ARHGAP29: variants seen among roughly 807,000 people sequenced by gnomAD.
The protein encoded by ARHGAP29 is Rho GTPase activating protein 29, also known as rho GTPase-activating protein 29.
Under a neutral mutation model 122.6 loss-of-function variants are expected in ARHGAP29, and 43 were observed. That is an observed-to-expected ratio of 0.35 (90% CI 0.27 to 0.45). The LOEUF (loss-of-function observed/expected upper bound fraction) is 0.45. Ranked by LOEUF, ARHGAP29 falls within the 20% of genes least tolerant of loss-of-function variation. ARHGAP29 has a pLI of 1.00. For missense variants in ARHGAP29, 1,303 were observed against 1,477.2 expected (o/e 0.88, Z 1.93); for synonymous variants, 506 against 497.1 (o/e 1.02, Z -0.24).
chr1:94,202,323 A>T, intron 11 of ARHGAP29: 1 of 614,216 alleles, frequency 1.6e-6, no homozygotes, highest in Non-Finnish European at 2.8e-6. Flanking sequence ...AGGTCTCAGC[A>T]TAGTGGTTCT....
the ARHGAP29 span, among the ~76,000 whole-genome samples, chr1:94,311,649 T>C: frequency 6.6e-6 from 1 of 152,314 alleles, no homozygotes; most frequent in East Asian, 1.9e-4. Flanking sequence ...TCCAGCTGAT[T>C]TCCTCAGTCA....
At chr1:94,241,132 C>T (rs1324377176), upstream of ARHGAP29, among the ~76,000 whole-genome samples, 2 of 152,182 alleles carry the variant, frequency 1.3e-5, no homozygotes, top group Middle Eastern at 3.2e-3. Flanking sequence ...CAAGGTGAAA[C>T]ACCCTGTTCT....
chr1:94,238,149 CT>C (rs1389366155), upstream of ARHGAP29, among the ~76,000 whole-genome samples: 2 of 149,500 alleles, frequency 1.3e-5, no homozygotes, highest in African/African-American at 5.0e-5. Context: ...CAACCTCCGC[CT>C]CCCGGGCTCA....
At chr1:94,191,783 T>C (rs1046432006) in intron 12 of ARHGAP29, 4 of 152,208 alleles carry the variant, frequency 2.6e-5, no homozygotes, top group Non-Finnish European at 5.9e-5. Flanking sequence ...TCTGCATTCC[T>C]CATAGGCTCT....
chr1:94,225,504 C>G (rs1652562222), intron 2 of ARHGAP29, among the ~76,000 whole-genome samples: 2 of 152,048 alleles, frequency 1.3e-5, no homozygotes, highest in South Asian at 2.1e-4. Context: ...GCCTCACAAT[C>G]ATGTTCAATA....
intron 16 of ARHGAP29, 40 bp from the exon 17 acceptor site, chr1:94,185,521 G>C: frequency 6.6e-7 from 1 of 1,503,896 alleles, no homozygotes; most frequent in South Asian, 1.3e-5. Context: ...TAAAATGATA[G>C]AAAAATTATA....
At chr1:94,200,964 C>T (rs1251656726) in intron 12 of ARHGAP29, among the ~76,000 whole-genome samples, 1 of 152,056 alleles carries the variant, frequency 6.6e-6, no homozygotes, top group African/African-American at 2.4e-5. Flanking sequence ...TGTGGCAGTA[C>T]TTACACAAAT....
intron 1 of ARHGAP29, among the ~76,000 whole-genome samples, chr1:94,262,561 A>C (rs1412138677): frequency 6.6e-6 from 1 of 152,168 alleles, no homozygotes; most frequent in African/African-American, 2.4e-5. Flanking sequence ...ATAGCAAAAA[A>C]ACCAACAACC....
At chr1:94,270,713 A>G (rs1044329675) in intron 1 of ARHGAP29, among the ~76,000 whole-genome samples, 2 of 152,204 alleles carry the variant, frequency 1.3e-5, no homozygotes, top group East Asian at 1.9e-4. Context: ...TTATAGACAG[A>G]TGAGCTTGGC....
chr1:94,204,647 T>C (rs1651080545), intron 7 of ARHGAP29, among the ~76,000 whole-genome samples: 1 of 152,238 alleles, frequency 6.6e-6, no homozygotes, highest in African/African-American at 2.4e-5. Flanking sequence ...TTGTAAGAAG[T>C]AAATAAGATA....
rs530295333 is a variant in ARHGAP29, at chr1:94,256,536, C to CTTTTTT, written c.-33+18470_-33+18475dup. ...CAGAAATAGATTTAACAGTACTAAT[C>CTTTTTT]TTTTTTTTTTTTTTTTTTTTTTTTT... On this transcript the variant is annotated intron_variant and NMD_transcript_variant, in intron 1 of 25. Coordinates refer to the ARHGAP29 transcript ENST00000552844. Among the ~76,000 whole-genome samples the CTTTTTT allele has an allele frequency of 3.6e-3, 163 of 45,328 alleles. 46 individuals are homozygous for CTTTTTT. Among genetic ancestry groups the CTTTTTT allele is most frequent in the East Asian group, 9.0e-3 (7 of 780 alleles). The allele number at this position is 45,328 out of a possible 152,430, so 29.7% of individuals were successfully genotyped here. A position where few individuals can be genotyped will look rare whatever the true frequency, so the allele number is the denominator to read the frequency against.
chr1:94,220,871 G>GA (rs35891241), intron 2 of ARHGAP29, among the ~76,000 whole-genome samples: 29,764 of 151,992 alleles, frequency 0.2, 3,765 homozygotes, highest in Middle Eastern at 0.33. Context: ...TAGAAAAACT[G>GA]AATTAGTTGT....
chr1:94,213,938 G>A (rs1049607769), intron 3 of ARHGAP29, among the ~76,000 whole-genome samples: 1 of 152,110 alleles, frequency 6.6e-6, no homozygotes, highest in East Asian at 1.9e-4. Context: ...TTTCTTCTAA[G>A]TCTTCAAGCT....
chr1:94,288,109 A>G, the ARHGAP29 span, among the ~76,000 whole-genome samples: 1 of 152,196 alleles, frequency 6.6e-6, no homozygotes, highest in Non-Finnish European at 1.5e-5. Flanking sequence ...TTACACTCCC[A>G]CCAACAGTGT....
intron 2 of ARHGAP29, among the ~76,000 whole-genome samples, chr1:94,227,878 G>C (rs1269929374): frequency 1.3e-5 from 2 of 151,742 alleles, no homozygotes; most frequent in African/African-American, 4.8e-5. Flanking sequence ...AGTGCCTTCA[G>C]CATTTTCATA....
At chr1:94,277,930 G>A (rs1349379331), upstream of ARHGAP29, among the ~76,000 whole-genome samples, 1 of 152,232 alleles carries the variant, frequency 6.6e-6, no homozygotes, top group Non-Finnish European at 1.5e-5. Flanking sequence ...ACCCTCAGAA[G>A]CAAAGGGGCT....
intron 19 of ARHGAP29, among the ~76,000 whole-genome samples, chr1:94,181,116 A>AT (rs1649429302): frequency 6.6e-6 from 1 of 152,232 alleles, no homozygotes; most frequent in African/African-American, 2.4e-5. Flanking sequence ...GCATTACTTC[A>AT]TAAGCTGAAG....
Position 94,169,810 on chromosome 1 carries a change from G to A in ARHGAP29, c.*4059C>T, listed in dbSNP as rs544622712. Reference sequence around the variant, plus strand: ...ATGAGCTCGTAAAAAAAATAAGAGGGGAAAAAGCAATGAGGCATCTCTAAG... The same window carrying A: ...ATGAGCTCGTAAAAAAAATAAGAGGAGAAAAAGCAATGAGGCATCTCTAAG... On this transcript the variant is annotated 3_prime_UTR_variant, in exon 23 of 23. Transcript: ENST00000260526. Among the ~76,000 whole-genome samples the A allele has an allele frequency of 1.3e-5, 2 of 152,052 alleles. No individual in the cohort carries two copies. The highest frequency in any genetic ancestry group is 4.8e-5 in the African/African-American group (2 of 41,390).
At chr1:94,237,766 TC>T, upstream of ARHGAP29, 1 of 985,418 alleles carries the variant, frequency 1.0e-6, no homozygotes, top group Non-Finnish European at 1.2e-6. Flanking sequence ...CCGGACGCTG[TC>T]CCAGCATCAC....
Sources: allele counts gnomAD v4.1 joint callset (sites outside exome capture counted in the v4.1 genomes callset), GRCh38; gene constraint gnomAD v4.1.1; transcripts MANE v1.5; gene names NCBI Gene and HGNC (gene_info 2026-07-23, HGNC 2026-07-21).